Variants in TBC1D4 observed in about 807,000 individuals in gnomAD.
The protein encoded by TBC1D4 is TBC1 domain family member 4.
Under a neutral mutation model 142.5 loss-of-function variants are expected in TBC1D4, and 121 were observed. That is an observed-to-expected ratio of 0.85 (90% CI 0.73 to 0.99). The LOEUF (loss-of-function observed/expected upper bound fraction) is 0.99, where lower values mean the gene tolerates loss of function less well. Ranked by LOEUF, TBC1D4 falls within the 50% of genes least tolerant of loss-of-function variation. TBC1D4 has a pLI of 0.00. For synonymous variants in TBC1D4, 630 were observed against 628.2 expected, an observed-to-expected ratio of 1.00 and a Z score of -0.04; for missense variants, 1,475 against 1,606.6, an observed-to-expected ratio of 0.92 and a Z score of 1.40.
intron 1 of TBC1D4, among the ~76,000 whole-genome samples, chr13:75,388,639 C>A (rs1884310329): frequency 6.6e-6 from 1 of 152,104 alleles, no homozygotes; most frequent in South Asian, 2.1e-4. Context: ...GCTTTTGCAC[C>A]ATCAGTGCAA....
chr13:75,337,361 A>G lies in TBC1D4; in HGVS notation c.1612-321T>C, dbSNP rs75160893. On this transcript the variant is annotated intron_variant, in intron 7 of 20. Transcript: ENST00000377636. ...ACTACTGCTACTCTGATTAACATCTATAACCATCCCTTTCCAAGATGTATA... is the reference window on the plus strand; with the variant it reads ...ACTACTGCTACTCTGATTAACATCTGTAACCATCCCTTTCCAAGATGTATA... Among the ~76,000 whole-genome samples the G allele has an allele frequency of 5.2e-3, 797 of 152,324 alleles. 9 individuals carry two copies. The highest frequency in any genetic ancestry group is 0.018 in the African/African-American group (751 of 41,568).
At chr13:75,476,701 A>G (rs1028270711) in intron 1 of TBC1D4, among the ~76,000 whole-genome samples, 5 of 152,220 alleles carry the variant, frequency 3.3e-5, no homozygotes, top group African/African-American at 1.2e-4. Flanking sequence ...GAGAAAGACT[A>G]CAAAAATATC....
intron 5 of TBC1D4, among the ~76,000 whole-genome samples, chr13:75,344,706 G>C (rs1881012045): frequency 6.6e-6 from 1 of 152,128 alleles, no homozygotes; most frequent in African/African-American, 2.4e-5. Context: ...GGGATAAACA[G>C]TAAGAGTGAA....
intron 1 of TBC1D4, among the ~76,000 whole-genome samples, chr13:75,454,634 G>A (rs1041996785): frequency 1.3e-5 from 2 of 152,154 alleles, no homozygotes; most frequent in African/African-American, 4.8e-5. Flanking sequence ...GAAACTGCTA[G>A]ACTTTATTAA....
At chr13:75,290,981 T>C (rs1875233830) in intron 19 of TBC1D4, among the ~76,000 whole-genome samples, 1 of 152,180 alleles carries the variant, frequency 6.6e-6, no homozygotes, top group African/African-American at 2.4e-5. Flanking sequence ...TCAATGCTCA[T>C]AAAGCATAAT....
chr13:75,286,250 T>C lies in TBC1D4; in HGVS notation c.*542A>G, dbSNP rs966025250. The C allele has an allele frequency of 1.9e-5, 3 of 154,260 alleles. No homozygotes were observed. The highest frequency in any genetic ancestry group is 7.2e-5 in the African/African-American group (3 of 41,464). The allele number at this position is 154,260 out of a possible 1,614,324, so 9.6% of individuals were successfully genotyped here. ...GCATGACCAGTAATCATTTTCCTCATATAGACAATGTCAGTAGATATCAAG... is the reference window on the plus strand; with the variant it reads ...GCATGACCAGTAATCATTTTCCTCACATAGACAATGTCAGTAGATATCAAG... On this transcript the variant is annotated 3_prime_UTR_variant, in exon 21 of 21. Coordinates refer to ENST00000377636, the MANE Select transcript of TBC1D4 (RefSeq NM_014832.5).
chr13:75,379,885 CTCTTTTTTT>C lies in TBC1D4; in HGVS notation c.499-17287_499-17279del, dbSNP rs1198406429. ...AAGTATATCAGTTTTGTTCATCTGACTCTTTTTTTTTTTTTTTTTTTTTTTTTTTTTTTT... is the reference window on the plus strand; with the variant it reads ...AAGTATATCAGTTTTGTTCATCTGACTTTTTTTTTTTTTTTTTTTTTTTTT... On this transcript the variant is annotated intron_variant, in intron 1 of 20. Transcript: ENST00000377636. Among the ~76,000 whole-genome samples the C allele has an allele frequency of 8.4e-3, 831 of 98,538 alleles. 162 individuals are homozygous for C. The highest frequency in any genetic ancestry group is 0.012 in the African/African-American group (338 of 27,824). The allele number at this position is 98,538 out of a possible 152,430, so 64.6% of individuals were successfully genotyped here. A position where few individuals can be genotyped will look rare whatever the true frequency, so the allele number is the denominator to read the frequency against.
rs1555310641 is a variant in TBC1D4 at position 75,362,044 on chromosome 13, G to T, written c.1062C>A (p.Asn354Lys). The T allele has an allele frequency of 6.2e-7, 1 of 1,614,180 alleles. No individual in the cohort carries two copies. Among genetic ancestry groups the T allele is most frequent in the Admixed American group, 1.7e-5 (1 of 60,030 alleles). Residue 354 changes from asparagine to lysine, a missense_variant, in exon 2 of 21, where the codon AAC (asparagine) becomes AAA (lysine). Transcript: ENST00000377636. The surrounding 1 kb of genome is among the most constrained non-coding windows in gnomAD (Gnocchi z 4.2). ...GGTGTACCTGGAAGAGCATGGTCCT[G>T]TTCTTCTCCGAGTCCGAGGGCTGGA... ...SHVQPSDSEK[N>K]RTMLFQVGRF...
At chr13:75,377,878 T>C (rs1883611531) in intron 1 of TBC1D4, among the ~76,000 whole-genome samples, 1 of 151,846 alleles carries the variant, frequency 6.6e-6, no homozygotes, top group Admixed American at 6.6e-5. Context: ...ACAATGAATA[T>C]ATAAAAGTAG....
intron 1 of TBC1D4, among the ~76,000 whole-genome samples, chr13:75,408,301 C>G (rs1425196443): frequency 1.3e-5 from 2 of 152,088 alleles, no homozygotes; most frequent in Admixed American, 6.5e-5. Context: ...CTTTTTATTG[C>G]CAGGTAAAAT....
At chr13:75,419,565 T>C (rs60321479) in intron 1 of TBC1D4, among the ~76,000 whole-genome samples, 4,974 of 152,248 alleles carry the variant, frequency 0.033, 278 homozygotes, top group African/African-American at 0.11. Flanking sequence ...CTAACTCTTC[T>C]AATAGATATA....
chr13:75,351,633 T>C (rs889700593), intron 4 of TBC1D4, among the ~76,000 whole-genome samples: 1 of 145,066 alleles, frequency 6.9e-6, no homozygotes, highest in Non-Finnish European at 1.5e-5. Context: ...TGTGTTCTCA[T>C]TGTTCAATTC....
chr13:75,381,456 GATT>G (rs1883842590), intron 1 of TBC1D4, among the ~76,000 whole-genome samples: 1 of 152,202 alleles, frequency 6.6e-6, no homozygotes, highest in African/African-American at 2.4e-5. Flanking sequence ...TTTCTCCAAT[GATT>G]TAAATTTCTT....
At chr13:75,287,295 C>G (rs1874785976) in intron 20 of TBC1D4, among the ~76,000 whole-genome samples, 1 of 152,214 alleles carries the variant, frequency 6.6e-6, no homozygotes, top group African/African-American at 2.4e-5. Context: ...TCTACACCCA[C>G]TGGTGTTCCC....
rs1345766063 is a variant in TBC1D4, at chr13:75,404,063, T to TACACACACACACACACACACACACAC, written c.499-41457_499-41456insGTGTGTGTGTGTGTGTGTGTGTGTGT. 6.2e-4 allele frequency among the ~76,000 whole-genome samples: 92 copies of TACACACACACACACACACACACACAC among 149,076 alleles called. 1 individual carries two copies. Among genetic ancestry groups the TACACACACACACACACACACACACAC allele is most frequent in the African/African-American group, 2.2e-3 (86 of 39,440 alleles). On this transcript the variant is annotated intron_variant, in intron 1 of 20. Coordinates refer to ENST00000377636, the MANE Select transcript of TBC1D4 (RefSeq NM_014832.5). The stretch of plus-strand genomic sequence containing the variant: ...CTTTTGTAGGGGGGATATATATACA[T>TACACACACACACACACACACACACAC]ACACACACACACACACACACACACA...
chr13:75,379,971 T>G (rs1215009303), intron 1 of TBC1D4, among the ~76,000 whole-genome samples: 1 of 140,680 alleles, frequency 7.1e-6, no homozygotes, highest in Non-Finnish European at 1.5e-5. Flanking sequence ...AGTGGTGCAG[T>G]CTTGGCTCAC....
At chr13:75,393,145 ACACACACACACT>A (rs112756673) in intron 1 of TBC1D4, among the ~76,000 whole-genome samples, 3,869 of 150,492 alleles carry the variant, frequency 0.026, 150 homozygotes, top group African/African-American at 0.088. Flanking sequence ...ACACACACAC[ACACACACACACT>A]CAGTCTTTGT....
intron 1 of TBC1D4, among the ~76,000 whole-genome samples, chr13:75,404,511 G>A (rs553401255): frequency 6.6e-6 from 1 of 152,154 alleles, no homozygotes; most frequent in South Asian, 2.1e-4. Flanking sequence ...GTTCTCAAGA[G>A]GCATTTTTTT....
intron 1 of TBC1D4, among the ~76,000 whole-genome samples, chr13:75,447,875 C>G (rs1404778182): frequency 6.6e-6 from 1 of 151,960 alleles, no homozygotes; most frequent in Non-Finnish European, 1.5e-5. Flanking sequence ...TCACTGTCTC[C>G]CATCATGCCT....
Sources: allele counts gnomAD v4.1 joint callset (sites outside exome capture counted in the v4.1 genomes callset), GRCh38; gene constraint gnomAD v4.1.1; non-coding constraint Gnocchi (gnomAD v3.1); transcripts MANE v1.5; gene names NCBI Gene and HGNC (gene_info 2026-07-23, HGNC 2026-07-21).